GNG2: variants seen among roughly 807,000 people sequenced by gnomAD.
GNG2 encodes guanine nucleotide-binding protein G(I)/G(S)/G(O) subunit gamma-2.
GNG2 carries 5 observed loss-of-function variants against 5.5 expected under a neutral mutation model. The ratio of observed to expected loss-of-function variants is 0.91; its 90% confidence interval spans 0.48 to 1.92. The LOEUF is 1.92. Among genes scored for constraint, GNG2 ranks in the 30% most tolerant of loss-of-function variants. GNG2 has a pLI of 0.01. For synonymous variants in GNG2, 28 were observed against 32.0 expected (o/e 0.88, Z 0.42); for missense variants, 55 against 88.4 (o/e 0.62, Z 1.52).
intron 2 of GNG2, among the ~76,000 whole-genome samples, chr14:51,909,728 T>C (rs1886180907): frequency 6.6e-6 from 1 of 152,202 alleles, no homozygotes; most frequent in Non-Finnish European, 1.5e-5. Context: ...GTGTAGCTCA[T>C]TTGTTAATAA....
In GNG2 at chr14:51,842,061, C is replaced by T. The variant is rs1299479207; in HGVS notation, c.64+14254C>T. 3.3e-5 allele frequency among the ~76,000 whole-genome samples: 5 copies of T among 152,106 alleles called. No homozygotes were observed. The South Asian group carries it at 8.3e-4, about 25-fold the overall frequency. ...CAAGAGGGCCTCCTTTTTAGCTCTC[C>T]TAGTTGGTTACCATGATGTCATGCT... On this transcript the variant is annotated intron_variant, in intron 2 of 3. Transcript: ENST00000553432.
intron 2 of GNG2, among the ~76,000 whole-genome samples, chr14:51,935,954 T>A (rs2140254149): frequency 6.6e-6 from 1 of 152,266 alleles, no homozygotes; most frequent in African/African-American, 2.4e-5. Context: ...ATGCCTCATA[T>A]TTAATCTCTC....
intron 2 of GNG2, among the ~76,000 whole-genome samples, chr14:51,919,121 G>A (rs989607641): frequency 8.6e-5 from 13 of 152,042 alleles, no homozygotes; most frequent in Non-Finnish European, 7.4e-5. Context: ...CACCGCGTCC[G>A]GCCTAGAAAA....
intron 2 of GNG2, 111 bp from the exon 3 acceptor site, chr14:51,950,539 A>C: frequency 1.5e-6 from 1 of 654,126 alleles, no homozygotes; most frequent in Non-Finnish European, 2.7e-6. Flanking sequence ...GGGCTGGAGA[A>C]GCCAGGCCTG....
rs992189457 is a variant in GNG2 at position 51,969,501 on chromosome 14, A to G, written c.*2814A>G. The G allele has an allele frequency of 3.3e-5, 5 of 152,262 alleles. No individual in the cohort carries two copies. Among genetic ancestry groups the G allele is most frequent in the African/African-American group, 1.2e-4 (5 of 41,464 alleles). The allele number at this position is 152,262 out of a possible 1,614,324, so 9.4% of individuals were successfully genotyped here. A position where few individuals can be genotyped will look rare whatever the true frequency, so the allele number is the denominator to read the frequency against. On this transcript the variant is annotated 3_prime_UTR_variant, in exon 4 of 4. Coordinates refer to ENST00000556766, the MANE Select transcript of GNG2 (RefSeq NM_053064.5). ...ACGATTTCTCCATACGCTCATAGTC[A>G]CATATGGAATTTTGAGAAAATAAAG...
At chr14:51,904,598 T>G (rs1339296975) in intron 2 of GNG2, among the ~76,000 whole-genome samples, 2 of 152,134 alleles carry the variant, frequency 1.3e-5, no homozygotes. Flanking sequence ...ATGTAACTGC[T>G]CTGTATATAT....
intron 2 of GNG2, among the ~76,000 whole-genome samples, chr14:51,844,346 G>T (rs566659053): frequency 6.6e-6 from 1 of 152,304 alleles, no homozygotes; most frequent in Non-Finnish European, 1.5e-5. Flanking sequence ...CTCTCCCCAG[G>T]GTAAGCTGGA....
chr14:51,908,273 A>C (rs991877127), intron 2 of GNG2, among the ~76,000 whole-genome samples: 1 of 152,230 alleles, frequency 6.6e-6, no homozygotes, highest in Non-Finnish European at 1.5e-5. Flanking sequence ...AAGAGGGCCC[A>C]AGACGGAAGC....
At chr14:51,865,406 A>C (rs8019617) in intron 1 of GNG2, among the ~76,000 whole-genome samples, 36,839 of 152,058 alleles carry the variant, frequency 0.24, 5,095 homozygotes, top group African/African-American at 0.38. Context: ...TCAAAACATC[A>C]CATTGTACCC....
intron 1 of GNG2, chr14:51,827,629 T>C: frequency 1.4e-6 from 1 of 690,004 alleles, no homozygotes. Flanking sequence ...GTGATTAGTG[T>C]GTTGGATGTT....
chr14:51,887,989 G>A (rs8005440), intron 2 of GNG2, among the ~76,000 whole-genome samples: 143,239 of 152,242 alleles, frequency 0.94, 67,472 homozygotes, highest in East Asian at 1. Flanking sequence ...TTATTTCTTA[G>A]CAGCTTTATT....
At chr14:51,833,408 G>C (rs1418022312) in intron 2 of GNG2, among the ~76,000 whole-genome samples, 1 of 152,106 alleles carries the variant, frequency 6.6e-6, no homozygotes, top group Non-Finnish European at 1.5e-5. Flanking sequence ...CTAGGTGTCT[G>C]CTAGTTCATC....
chr14:51,961,009 A>G (rs755886172), intron 3 of GNG2, among the ~76,000 whole-genome samples: 1 of 152,076 alleles, frequency 6.6e-6, no homozygotes, highest in Non-Finnish European at 1.5e-5. Flanking sequence ...CTTCTCTGCT[A>G]TTCTCTCCTC....
intron 2 of GNG2, among the ~76,000 whole-genome samples, chr14:51,911,860 T>C (rs866455301): frequency 2.4e-5 from 3 of 127,268 alleles, no homozygotes; most frequent in Admixed American, 7.1e-5. Context: ...GATAGCCTTT[T>C]CTTATGTTTT....
At chr14:51,883,067 T>A (rs1884209091) in intron 2 of GNG2, among the ~76,000 whole-genome samples, 1 of 151,692 alleles carries the variant, frequency 6.6e-6, no homozygotes, top group Non-Finnish European at 1.5e-5. Flanking sequence ...GTAATAACTT[T>A]AATGAAATGA....
chr14:51,896,502 A>C (rs1254329049), intron 2 of GNG2, among the ~76,000 whole-genome samples: 2 of 152,232 alleles, frequency 1.3e-5, no homozygotes, highest in African/African-American at 4.8e-5. Flanking sequence ...AAGATGAGGA[A>C]GAACTAAAAC....
intron 2 of GNG2, among the ~76,000 whole-genome samples, chr14:51,835,996 TA>T (rs1881319316): frequency 1.3e-5 from 2 of 151,886 alleles, no homozygotes; most frequent in African/African-American, 4.8e-5. Context: ...CTGGGTGACT[TA>T]AACAATAGAA....
intron 2 of GNG2, among the ~76,000 whole-genome samples, chr14:51,921,037 T>C (rs1365654492): frequency 6.6e-6 from 1 of 152,194 alleles, no homozygotes; most frequent in African/African-American, 2.4e-5. Flanking sequence ...CTTTCTCCTA[T>C]AAAATTAGAG....
At position 51,866,712 on chromosome 14, in the gene GNG2, C is replaced by G. The variant is rs116497676; in HGVS notation, c.-71+5922C>G. Among the ~76,000 whole-genome samples the G allele has an allele frequency of 5.1e-3, 782 of 152,328 alleles. 9 individuals carry two copies. The highest frequency in any genetic ancestry group is 0.018 in the African/African-American group (737 of 41,574). On this transcript the variant is annotated intron_variant, in intron 1 of 3. Coordinates refer to ENST00000556766, the MANE Select transcript of GNG2 (RefSeq NM_053064.5). ...GGCCAGCTGGCTCTCTCCAGTCTCT[C>G]TTATAAGGGCACTAATCCCATTCAT...
Sources: gnomAD v4.1 joint callset for allele counts (sites outside exome capture counted in the v4.1 genomes callset) on GRCh38, gnomAD v4.1.1 for gene constraint, MANE v1.5 for transcripts, NCBI Gene and HGNC (gene_info 2026-07-23, HGNC 2026-07-21) for gene names.